Variants in ADGRA1 observed in about 807,000 individuals in gnomAD.
ADGRA1 encodes adhesion G protein-coupled receptor A1.
A neutral mutation model predicts 21.3 loss-of-function variants in ADGRA1; 12 were observed. The ratio of observed to expected loss-of-function variants is 0.56; its 90% CI spans 0.36 to 0.91. ADGRA1 has a LOEUF of 0.91. Ranked by LOEUF, ADGRA1 falls within the 40% of genes least tolerant of loss-of-function variation. ADGRA1 has a pLI of 0.01. For synonymous variants in ADGRA1, 385 were observed against 368.8 expected, an observed-to-expected ratio of 1.04 and a Z score of -0.50; for missense variants, 790 against 805.6, an observed-to-expected ratio of 0.98 and a Z score of 0.23.
chr10:133,099,653 G>A lies in ADGRA1; in HGVS notation c.255+890G>A, dbSNP rs572041471. Among the ~76,000 whole-genome samples, 3 of 152,318 alleles carry A rather than the reference G, an allele frequency of 2.0e-5. No individual in the cohort carries two copies. In the East Asian group the frequency reaches 5.8e-4, roughly 29 times the overall value. On this transcript the variant is annotated intron_variant, in intron 4 of 6. Transcript: ENST00000392607. ...GCCCTGTCCTCCTCCACTTTGGGCT[G>A]TGGCTCATGGCCAACAAGAGGACCT...
intron 5 of ADGRA1, among the ~76,000 whole-genome samples, chr10:133,126,133 T>A (rs757344420): frequency 1.3e-5 from 2 of 152,180 alleles, no homozygotes; most frequent in Non-Finnish European, 2.9e-5. Flanking sequence ...ACCGTGCAGG[T>A]CTGGTTGGGG....
intron 2 of ADGRA1, chr10:133,093,358 T>A: frequency 7.1e-7 from 1 of 1,403,054 alleles, no homozygotes; most frequent in South Asian, 1.4e-5. Context: ...CCCACTTGAT[T>A]TGCAGAACAC....
At chr10:133,109,687 G>T (rs1174089182) in intron 5 of ADGRA1, among the ~76,000 whole-genome samples, 1 of 152,180 alleles carries the variant, frequency 6.6e-6, no homozygotes, top group Non-Finnish European at 1.5e-5. Flanking sequence ...ACAATGACGG[G>T]AAGGTCCCTC....
rs1186259238 is a variant in ADGRA1, at chr10:133,129,233, C to G, written c.1405C>G (p.Leu469Val). ...GGATGGCCCGGCGGGGACACACACG[C>G]TGGCCTGCTGCACCCAGGGCGACCC... ...SLDGPAGTHT[L>V]ACCTQGDPFP... The change falls in exon 7 of 7, where the codon CTG (leucine) becomes GTG (valine). Residue 469 changes from leucine (L) to valine (V), a missense_variant. Physicochemically the swap from Leu to Val is conservative, Grantham distance 32. Around this residue, in one of 3 missense-constraint regions of ADGRA1, gnomAD observed 391 missense variants for 351.5 expected, o/e 1.11. Transcript: ENST00000392607. The G allele has an allele frequency of 1.9e-6, 3 of 1,549,728 alleles. No homozygotes were observed.
rs1325303881 is a variant in ADGRA1 at position 133,120,107 on chromosome 10, C to A, written c.402-7126C>A. On this transcript the variant is annotated intron_variant, in intron 5 of 6. Coordinates refer to ENST00000392607, the MANE Select transcript of ADGRA1 (RefSeq NM_001083909.3). Reference sequence around the variant, plus strand: ...CAGTAGAAGGCTTTCATCTGCATTGCAAATCTCTTATTTAGGCCAAGCGCG... The same window carrying A: ...CAGTAGAAGGCTTTCATCTGCATTGAAAATCTCTTATTTAGGCCAAGCGCG... Among the ~76,000 whole-genome samples, 3 of 152,190 alleles carry A rather than the reference C, an allele frequency of 2.0e-5. 1 individual carries two copies. Among genetic ancestry groups the A allele is most frequent in the Non-Finnish European group, 4.4e-5 (3 of 68,034 alleles).
At chr10:133,123,241 C>T (rs368154317) in intron 5 of ADGRA1, among the ~76,000 whole-genome samples, 1 of 152,184 alleles carries the variant, frequency 6.6e-6, no homozygotes, top group Non-Finnish European at 1.5e-5. Context: ...CTGGCTGCGC[C>T]GTCCTCTCTT....
intron 3 of ADGRA1, 92 bp from the exon 4 acceptor site, chr10:133,098,548 C>G (rs1054644996): frequency 1.3e-6 from 2 of 1,485,248 alleles, no homozygotes; most frequent in Non-Finnish European, 1.8e-6. Flanking sequence ...CCGGACTTCC[C>G]GGGGACAGAG....
At position 133,116,421 on chromosome 10, in the gene ADGRA1, AC is replaced by A. The variant is rs1272257081; in HGVS notation, c.402-10806del. On this transcript the variant is annotated intron_variant, in intron 5 of 6. Coordinates refer to ENST00000392607, the MANE Select transcript of ADGRA1 (RefSeq NM_001083909.3). ...CAGGCTTTGTCAGCGCCCCACCCCC[AC>A]CCCCCGCCACCACCCACGGTCCCTT... 5.6e-3 allele frequency among the ~76,000 whole-genome samples: 559 copies of A among 99,624 alleles called. 4 individuals carry two copies. The highest frequency in any genetic ancestry group is 0.019 in the African/African-American group (517 of 27,220). The allele number at this position is 99,624 out of a possible 152,430, so 65.4% of individuals were successfully genotyped here. A position where few individuals can be genotyped will look rare whatever the true frequency, so the allele number is the denominator to read the frequency against.
At chr10:133,102,558 G>A in intron 4 of ADGRA1, 139 bp from the exon 5 acceptor site, 1 of 997,864 alleles carries the variant, frequency 1.0e-6, no homozygotes, top group Non-Finnish European at 1.5e-6. Context: ...CTGTGGGGCG[G>A]CCGCTGCCTG....
chr10:133,106,724 G>A (rs373864155), intron 5 of ADGRA1, among the ~76,000 whole-genome samples: 8 of 152,374 alleles, frequency 5.3e-5, no homozygotes, highest in African/African-American at 9.6e-5. Flanking sequence ...GTGGATGGAC[G>A]TCACACAGAG....
chr10:133,113,025 G>A (rs1303982685), intron 5 of ADGRA1, among the ~76,000 whole-genome samples: 2 of 145,828 alleles, frequency 1.4e-5, no homozygotes, highest in African/African-American at 5.1e-5. Context: ...TGGGGTCTGC[G>A]GGCCGCGTCA....
intron 2 of ADGRA1, chr10:133,095,927 T>A: frequency 9.0e-7 from 1 of 1,116,592 alleles, no homozygotes; most frequent in Non-Finnish European, 1.2e-6. Flanking sequence ...GTGGTCAGAG[T>A]GGCTGGAGCC....
Position 133,095,560 on chromosome 10 carries a change from C to G in ADGRA1, c.4-1414C>G, listed in dbSNP as rs972071646. 7.0e-6 allele frequency: 10 copies of G among 1,423,154 alleles called. No homozygotes were observed. In the African/African-American group the frequency reaches 1.4e-4, roughly 20 times the overall value. 88.2% of individuals were successfully genotyped at this position (1,423,154 alleles called of 1,614,324 possible). A position where few individuals can be genotyped will look rare whatever the true frequency, so the allele number is the denominator to read the frequency against. On this transcript the variant is annotated intron_variant, in intron 2 of 6. Transcript: ENST00000392607. The stretch of plus-strand genomic sequence containing the variant: ...CTCCTCGTCCCGGGATGCAGGGCCC[C>G]TCCGGTGCCCGCCTGGCCAGTGCTG...
intron 5 of ADGRA1, among the ~76,000 whole-genome samples, chr10:133,122,535 T>C (rs71484059): frequency 1.3e-5 from 2 of 152,240 alleles, no homozygotes; most frequent in East Asian, 3.8e-4. Context: ...CTGTTTCTTG[T>C]CTCTTTCTTC....
rs373656784 is a variant in ADGRA1 at position 133,097,838 on chromosome 10, C to T, written c.131+737C>T. Among the ~76,000 whole-genome samples the T allele has an allele frequency of 2.1e-4, 32 of 152,270 alleles. 1 individual carries two copies. Among genetic ancestry groups the T allele is most frequent in the South Asian group, 2.1e-3 (10 of 4,824 alleles). The stretch of plus-strand genomic sequence containing the variant: ...AGAGGGCCAGCTCCAGGCTCACAGA[C>T]GGCACCCACTGCCTGTGTCCCTGCC... On this transcript the variant is annotated intron_variant, in intron 3 of 6. Coordinates refer to ENST00000392607, the MANE Select transcript of ADGRA1 (RefSeq NM_001083909.3).
intron 5 of ADGRA1, among the ~76,000 whole-genome samples, chr10:133,111,854 C>T (rs1285528882): frequency 2.0e-4 from 29 of 147,416 alleles, no homozygotes; most frequent in Admixed American, 2.7e-4. Context: ...ACCACGGGCA[C>T]CTCCCTCCTA....
chr10:133,125,435 T>C (rs2135909195), intron 5 of ADGRA1, among the ~76,000 whole-genome samples: 1 of 152,352 alleles, frequency 6.6e-6, no homozygotes, highest in East Asian at 1.9e-4. Flanking sequence ...TGTTTGTTTG[T>C]TTGTTTGAGA....
At position 133,116,653 on chromosome 10, in the gene ADGRA1, C is replaced by T. The variant is rs547400495; in HGVS notation, c.402-10580C>T. Among the ~76,000 whole-genome samples, 249 of 152,132 alleles carry T rather than the reference C, an allele frequency of 1.6e-3. 1 individual carries two copies. The highest frequency in any genetic ancestry group is 6.0e-3 in the South Asian group (29 of 4,816). On this transcript the variant is annotated intron_variant, in intron 5 of 6. Transcript: ENST00000392607. ...AGAGACGCAGACACTCAACCAGAAA[C>T]GGGCAGCCCGAGGAGGGCCCCCCTT...
At chr10:133,099,110 A>G (rs11101922) in intron 4 of ADGRA1, among the ~76,000 whole-genome samples, 908 of 66,012 alleles carry the variant, frequency 0.014, 14 homozygotes, top group African/African-American at 0.064. Flanking sequence ...GACACAGCCC[A>G]CCCCTCCAGG....
Sources: allele counts gnomAD v4.1 joint callset (sites outside exome capture counted in the v4.1 genomes callset), GRCh38; gene constraint gnomAD v4.1.1; regional missense constraint gnomAD v4.1.1; transcripts MANE v1.5; gene names NCBI Gene and HGNC (gene_info 2026-07-23, HGNC 2026-07-21).